WDR70: variants seen among roughly 807,000 people sequenced by gnomAD.
WDR70 encodes the protein WD repeat domain 70.
A neutral mutation model predicts 88.6 loss-of-function variants in WDR70; 53 were observed. The ratio of observed to expected loss-of-function variants is 0.60; its 90% CI spans 0.48 to 0.75. The LOEUF (loss-of-function observed/expected upper bound fraction) is 0.75. Ranked by LOEUF, WDR70 falls within the 30% of genes least tolerant of loss-of-function variation. WDR70 has a pLI of 0.00. For synonymous variants in WDR70, 280 were observed against 270.0 expected, an observed-to-expected ratio of 1.04 and a Z score of -0.36; for missense variants, 610 against 823.2, an observed-to-expected ratio of 0.74 and a Z score of 3.17.
At chr5:37,511,530 T>C (rs574708697) in intron 8 of WDR70, among the ~76,000 whole-genome samples, 28 of 152,294 alleles carry the variant, frequency 1.8e-4, no homozygotes, top group Admixed American at 1.2e-3. Flanking sequence ...CAAGAAGCCC[T>C]GGTTCCTTTT....
chr5:37,530,179 G>A (rs572498096), intron 9 of WDR70, among the ~76,000 whole-genome samples: 10 of 152,100 alleles, frequency 6.6e-5, no homozygotes, highest in East Asian at 5.8e-4. Context: ...TGATCATGGC[G>A]GATTATATTT....
chr5:37,620,796 C>G (rs1744486788), intron 10 of WDR70, among the ~76,000 whole-genome samples: 1 of 152,088 alleles, frequency 6.6e-6, no homozygotes, highest in Non-Finnish European at 1.5e-5. Flanking sequence ...TAATATTAAC[C>G]CTTTTCAAAC....
At chr5:37,541,982 G>A (rs1741832875) in intron 9 of WDR70, among the ~76,000 whole-genome samples, 1 of 152,172 alleles carries the variant, frequency 6.6e-6, no homozygotes, top group South Asian at 2.1e-4. Context: ...TACTGCTTGG[G>A]AGAATTAGGG....
intron 10 of WDR70, among the ~76,000 whole-genome samples, chr5:37,611,047 A>G (rs1744177603): frequency 6.6e-6 from 1 of 152,206 alleles, no homozygotes; most frequent in African/African-American, 2.4e-5. Context: ...GTGGCACTTG[A>G]GTCCCTGGGT....
At chr5:37,442,742 A>G (rs1206043671) in intron 6 of WDR70, among the ~76,000 whole-genome samples, 1 of 152,220 alleles carries the variant, frequency 6.6e-6, no homozygotes, top group East Asian at 1.9e-4. Context: ...ACCATAAGGG[A>G]CAGATAATTC....
intron 10 of WDR70, among the ~76,000 whole-genome samples, chr5:37,679,480 G>A (rs1382687586): frequency 6.6e-6 from 1 of 152,190 alleles, no homozygotes; most frequent in African/African-American, 2.4e-5. Flanking sequence ...GTCTGTTGGA[G>A]TTTGCTAGAG....
intron 9 of WDR70, among the ~76,000 whole-genome samples, chr5:37,520,306 A>G (rs773355433): frequency 5.3e-5 from 8 of 152,190 alleles, no homozygotes; most frequent in Non-Finnish European, 8.8e-5. Flanking sequence ...GACAAATGAC[A>G]TAATTTCACT....
intron 10 of WDR70, among the ~76,000 whole-genome samples, chr5:37,677,665 A>T (rs1746276356): frequency 6.9e-6 from 1 of 145,226 alleles, no homozygotes; most frequent in Non-Finnish European, 1.5e-5. Flanking sequence ...CTATGTGGTC[A>T]ATTTTGGAAT....
At chr5:37,556,127 G>T (rs1401432881) in intron 9 of WDR70, among the ~76,000 whole-genome samples, 1 of 131,966 alleles carries the variant, frequency 7.6e-6, no homozygotes. Context: ...CCATATTTTG[G>T]ATTTTCTTCC....
At chr5:37,545,247 T>C (rs1344600381) in intron 9 of WDR70, among the ~76,000 whole-genome samples, 1 of 152,194 alleles carries the variant, frequency 6.6e-6, no homozygotes, top group African/African-American at 2.4e-5. Context: ...CCTTCAGTTT[T>C]CTGCTTCTAA....
chr5:37,409,440 G>A (rs181191181), intron 5 of WDR70, among the ~76,000 whole-genome samples: 210 of 152,062 alleles, frequency 1.4e-3, no homozygotes, highest in Middle Eastern at 3.4e-3. Flanking sequence ...ACTCATAAGG[G>A]AAATGAAGGT....
At chr5:37,401,970 G>A (rs1749209809) in intron 5 of WDR70, among the ~76,000 whole-genome samples, 1 of 152,098 alleles carries the variant, frequency 6.6e-6, no homozygotes, top group Non-Finnish European at 1.5e-5. Context: ...TTGAAAATAT[G>A]GAGTAAACAG....
At chr5:37,749,017 A>G (rs1255250915) in intron 17 of WDR70, among the ~76,000 whole-genome samples, 3 of 152,204 alleles carry the variant, frequency 2.0e-5, no homozygotes, top group East Asian at 1.9e-4. Context: ...TGGGAATGTA[A>G]ATTAGTTCAA....
intron 9 of WDR70, among the ~76,000 whole-genome samples, chr5:37,529,207 T>G (rs1741405662): frequency 6.6e-6 from 1 of 152,170 alleles, no homozygotes; most frequent in African/African-American, 2.4e-5. Flanking sequence ...AATATCACAC[T>G]GTTTTGGTGA....
intron 5 of WDR70, among the ~76,000 whole-genome samples, chr5:37,423,564 C>CT (rs374709152): frequency 0.25 from 30,047 of 118,396 alleles, 4,469 homozygotes; most frequent in East Asian, 0.42. Flanking sequence ...TTTTTTTTGT[C>CT]TTTTTTTTTT....
Position 37,751,226 on chromosome 5 carries a change from G to C in WDR70, c.1878-1260G>C, listed in dbSNP as rs568530362. Among the ~76,000 whole-genome samples, 4 of 152,346 alleles carry C rather than the reference G, an allele frequency of 2.6e-5. No individual in the cohort carries two copies. The South Asian group carries it at 8.3e-4, about 32-fold the overall frequency. On this transcript the variant is annotated intron_variant, in intron 17 of 17. Transcript: ENST00000265107. ...CCAATTGCCTTGTTGTAGCATGTTA[G>C]AAAGCCAGTTAGGAATTCAGCAACT...
intron 17 of WDR70, among the ~76,000 whole-genome samples, chr5:37,733,599 A>G (rs1748216804): frequency 6.6e-6 from 1 of 152,020 alleles, no homozygotes; most frequent in South Asian, 2.1e-4. Context: ...CTCTGCAAGT[A>G]TCAATACCAG....
At chr5:37,750,131 C>T (rs2112748625) in intron 17 of WDR70, among the ~76,000 whole-genome samples, 1 of 152,254 alleles carries the variant, frequency 6.6e-6, no homozygotes, top group African/African-American at 2.4e-5. Flanking sequence ...ACCAAAACAT[C>T]CTCTCATGCC....
At chr5:37,721,534 A>C in intron 14 of WDR70, 1 of 269,788 alleles carries the variant, frequency 3.7e-6, no homozygotes, top group Non-Finnish European at 7.2e-6. Context: ...GCAGTGATAC[A>C]TGTAAGAGAT....
Sources: allele counts gnomAD v4.1 joint callset (sites outside exome capture counted in the v4.1 genomes callset), GRCh38; gene constraint gnomAD v4.1.1; transcripts MANE v1.5; gene names NCBI Gene and HGNC (gene_info 2026-07-23, HGNC 2026-07-21).